ABCF3: variants seen among roughly 807,000 people sequenced by gnomAD.
ABCF3 encodes ATP-binding cassette sub-family F member 3.
Under a neutral mutation model 94.3 loss-of-function variants are expected in ABCF3, and 62 were observed. The observed-to-expected ratio is 0.66, with a 90% CI of 0.54 to 0.81. ABCF3 has a LOEUF of 0.81. ABCF3 is among the 40% of genes least tolerant of loss of function. ABCF3 has a pLI of 0.00. For missense variants in ABCF3, 843 were observed against 925.3 expected, an observed-to-expected ratio of 0.91 and a Z score of 1.15; for synonymous variants, 355 against 361.1, an observed-to-expected ratio of 0.98 and a Z score of 0.19.
chr3:184,186,569 G>A lies in ABCF3; in HGVS notation c.136G>A (p.Glu46Lys). The A allele has an allele frequency of 1.2e-6, 2 of 1,614,098 alleles. No individual in the cohort carries two copies. Among genetic ancestry groups the A allele is most frequent in the Non-Finnish European group, 1.7e-6 (2 of 1,179,978 alleles). ...SVDDLVEAVG[E>K]LLQEVSGDSK... ...GGATGACCTGGTGGAAGCTGTAGGG[G>A]AACTATTGCAAGAGGTGTCCGGGGA... is the stretch of plus-strand genomic sequence containing the variant. The change falls in exon 2 of 21, where the codon GAA (glutamate) becomes AAA (lysine). Residue 46 changes from glutamate (E) to lysine (K), a missense_variant. Physicochemically the swap from Glu to Lys is moderately conservative, Grantham distance 56. Transcript: ENST00000429586.
At position 184,188,917 on chromosome 3, in the gene ABCF3, C is replaced by T; in HGVS notation, c.918-12C>T. On this transcript the variant is annotated splice_polypyrimidine_tract_variant and intron_variant, in intron 8 of 20. Coordinates refer to ENST00000429586, the MANE Select transcript of ABCF3 (RefSeq NM_018358.3). The stretch of plus-strand genomic sequence containing the variant: ...CTGTTCCAACTGAGTTCTTCGATTT[C>T]TTCTCTACTAGGGCATCAGTCATTC... The T allele has an allele frequency of 6.2e-7, 1 of 1,614,214 alleles. No individual in the cohort carries two copies. Among genetic ancestry groups the T allele is most frequent in the Non-Finnish European group, 8.5e-7 (1 of 1,180,036 alleles).
Position 184,188,391 on chromosome 3 carries a change from C to G in ABCF3, c.820C>G (p.Gln274Glu), listed in dbSNP as rs146433540. ...ACGGAGGGAGCGGGAGCTCACTGCCCAGATTGCTGCTGGCAGGTGAGGACT... is the reference window on the plus strand; with the variant it reads ...ACGGAGGGAGCGGGAGCTCACTGCCGAGATTGCTGCTGGCAGGTGAGGACT... ...LLRRERELTA[Q>E]IAAGRAEGSE... The change falls in exon 7 of 21, where the codon CAG becomes GAG. Residue 274 changes from glutamine (Q) to glutamate (E), a missense_variant. Physicochemically the swap from Gln to Glu is conservative, Grantham distance 29. Coordinates refer to ENST00000429586, the MANE Select transcript of ABCF3 (RefSeq NM_018358.3). 2.0e-5 allele frequency: 32 copies of G among 1,607,454 alleles called. No individual in the cohort carries two copies. In the African/African-American group the frequency reaches 4.1e-4, roughly 21 times the overall value.
rs142912170 is a variant in ABCF3 at position 184,188,987 on chromosome 3, C to G, written c.976C>G (p.Arg326Gly). ...FTPKMQQQPT[R>G]EFSGGWRMRL... The stretch of plus-strand genomic sequence containing the variant: ...CCCTAAAATGCAGCAGCAGCCCACC[C>G]GGTGAGTGACCCTTGCCATTCTTGG... The change falls in exon 9 of 21, where the codon CGG (arginine) becomes GGG (glycine). Residue 326 changes from arginine (R) to glycine (G), a missense_variant and splice_region_variant. Physicochemically the swap from Arg to Gly is moderately radical, Grantham distance 125. Coordinates refer to ENST00000429586, the MANE Select transcript of ABCF3 (RefSeq NM_018358.3). 6.2e-7 allele frequency: 1 copy of G among 1,614,124 alleles called. No individual in the cohort carries two copies. Among genetic ancestry groups the G allele is most frequent in the African/African-American group, 1.3e-5 (1 of 74,930 alleles).
At chr3:184,190,208 GCCTGGTGTCTTTTA>G in intron 14 of ABCF3, 4 of 519,794 alleles carry the variant, frequency 7.7e-6, no homozygotes, top group South Asian at 6.8e-5. Flanking sequence ...TGACCTTTGT[GCCTGGTGTCTTTTA>G]CCTGGCGTCA....
At chr3:184,192,144 A>G (rs539007638) in intron 16 of ABCF3, among the ~76,000 whole-genome samples, 15 of 152,304 alleles carry the variant, frequency 9.8e-5, no homozygotes, top group African/African-American at 3.4e-4. Flanking sequence ...TGTTACACAC[A>G]GCGGTGCTCT....
chr3:184,189,674 A>T lies in ABCF3; in HGVS notation c.1231A>T (p.Thr411Ser). The T allele has an allele frequency of 1.9e-6, 3 of 1,614,146 alleles. No individual in the cohort carries two copies. The highest frequency in any genetic ancestry group is 2.5e-6 in the Non-Finnish European group (3 of 1,180,032). Residue 411 changes from threonine to serine, a missense_variant, in exon 13 of 21, where the codon ACC becomes TCC. Transcript: ENST00000429586. ...AGATGGTTACCGGGGAGACTTTGAG[A>T]CCTTCATCAAGAGTAAGCAGGAGCG... The part of the protein sequence containing the change: ...RLDGYRGDFE[T>S]FIKSKQERLL...
In ABCF3 at chr3:184,186,551, C is replaced by T; in HGVS notation, c.118C>T (p.Leu40=). The T allele has an allele frequency of 1.2e-6, 2 of 1,613,884 alleles. No individual in the cohort carries two copies. The highest frequency in any genetic ancestry group is 1.1e-5 in the South Asian group (1 of 91,052). Residue 40 remains leucine (L), a synonymous_variant, in exon 2 of 21, where the codon CTG becomes TTG. Coordinates refer to ENST00000429586, the MANE Select transcript of ABCF3 (RefSeq NM_018358.3). ...GSADFESVDD[L]VEAVGELLQE... ...CGCGGACTTCGAGTCTGTGGATGAC[C>T]TGGTGGAAGCTGTAGGGGAACTATT...
chr3:184,186,912 G>A (rs1338885921), intron 3 of ABCF3, 37 bp downstream of exon 3: 2 of 1,594,162 alleles, frequency 1.3e-6, no homozygotes, highest in Admixed American at 3.5e-5. Context: ...CTGCCCCCCT[G>A]TGCTTTTCTC....
intron 14 of ABCF3, 28 bp from the exon 15 acceptor site, chr3:184,190,971 A>G (rs777550838): frequency 1.2e-6 from 2 of 1,613,064 alleles, no homozygotes; most frequent in African/African-American, 1.3e-5. Context: ...TAAGTAATAA[A>G]TCTAGTCTAC....
rs761095198 is a variant in ABCF3, at chr3:184,188,120, C to G, written c.570-21C>G. 2.7e-5 allele frequency: 43 copies of G among 1,610,758 alleles called. No homozygotes were observed. The South Asian group carries it at 4.5e-4, about 17-fold the overall frequency. On this transcript the variant is annotated intron_variant, in intron 6 of 20. Coordinates refer to ENST00000429586, the MANE Select transcript of ABCF3 (RefSeq NM_018358.3). ...CACCTATTTCTAGAGCATCTTTGGT[C>G]TCCTTTCTCCACTCCTGCAGAGTAC... is the stretch of plus-strand genomic sequence containing the variant.
rs771623931 is a variant in ABCF3 at position 184,188,426 on chromosome 3, G to A, written c.836+19G>A. The A allele has an allele frequency of 6.3e-7, 1 of 1,594,584 alleles. No homozygotes were observed. The highest frequency in any genetic ancestry group is 8.6e-7 in the Non-Finnish European group (1 of 1,168,246). ...CTGGCAGGTGAGGACTCCCGGCTAG[G>A]GAGTAACTAGCAGCCGCTGTCGCTT... On this transcript the variant is annotated intron_variant, in intron 7 of 20. Transcript: ENST00000429586.
chr3:184,187,006 T>A (rs571471804), intron 3 of ABCF3, 131 bp downstream of exon 3: 1 of 967,138 alleles, frequency 1.0e-6, no homozygotes. Context: ...TTGATGTCTT[T>A]ACCGAGGGCA....
At chr3:184,187,182 C>T (rs1408464147) in intron 3 of ABCF3, 2 of 671,408 alleles carry the variant, frequency 3.0e-6, no homozygotes, top group African/African-American at 3.6e-5. Flanking sequence ...TTATCTGTCC[C>T]CAGCCTTGTC....
At position 184,189,564 on chromosome 3, in the gene ABCF3, C is replaced by T; in HGVS notation, c.1121C>T (p.Pro374Leu). ...LWLENYLQTW[P>L]STILVVSHDR... ...TGTCCTGTGACCCCTCAGACGTGGC[C>T]CTCCACCATCCTAGTCGTCTCCCAC... Residue 374 changes from proline to leucine, a missense_variant, in exon 13 of 21, where the codon CCC (proline) becomes CTC (leucine). Pro to Leu is a moderately conservative substitution (Grantham distance 98). Coordinates refer to ENST00000429586, the MANE Select transcript of ABCF3 (RefSeq NM_018358.3). 3.7e-6 allele frequency: 6 copies of T among 1,614,144 alleles called. No homozygotes were observed. Among genetic ancestry groups the T allele is most frequent in the Non-Finnish European group, 5.1e-6 (6 of 1,180,034 alleles).
intron 14 of ABCF3, chr3:184,190,368 GTTA>G (rs1260893724): frequency 5.1e-6 from 1 of 196,198 alleles, no homozygotes; most frequent in South Asian, 9.4e-5. Flanking sequence ...TTCCATTTTG[GTTA>G]TTATGAATAA....
intron 3 of ABCF3, 97 bp downstream of exon 3, chr3:184,186,972 A>G: frequency 7.8e-7 from 1 of 1,277,248 alleles, no homozygotes. Flanking sequence ...CGTCTTTTCC[A>G]CAGGACAAGG....
In ABCF3 at chr3:184,188,768, G is replaced by A; in HGVS notation, c.844G>A (p.Gly282Ser). 6.2e-7 allele frequency: 1 copy of A among 1,613,868 alleles called. No individual in the cohort carries two copies. Among genetic ancestry groups the A allele is most frequent in the South Asian group, 1.1e-5 (1 of 91,042 alleles). ...TGTTTCTCCTCCCTCCAGGGCGGAG[G>A]GCTCTGAAGCTGCAGAGCTGGCAGA... ...TAQIAAGRAE[G>S]SEAAELAEIY... Residue 282 changes from glycine (G) to serine (S), a missense_variant, in exon 8 of 21, where the codon GGC becomes AGC. Transcript: ENST00000429586.
At position 184,186,509 on chromosome 3, in the gene ABCF3, GT is replaced by G; in HGVS notation, c.77del (p.Val26AlafsTer19). 6.2e-7 allele frequency: 1 copy of G among 1,610,568 alleles called. No individual in the cohort carries two copies. Among genetic ancestry groups the G allele is most frequent in the Non-Finnish European group, 8.5e-7 (1 of 1,177,986 alleles). On this transcript the variant is annotated frameshift_variant, in exon 2 of 21. Coordinates refer to ENST00000429586, the MANE Select transcript of ABCF3 (RefSeq NM_018358.3). LOFTEE classifies it high-confidence loss of function. ...TCGTTCTACCACGCCCTGCCCAGGC[GT>G]CTTGCACAGCGGCAGCGCGGACTTC... is the stretch of plus-strand genomic sequence containing the variant. ...DGQVFDYVTG[V>X]LHSGSADFES...
chr3:184,186,276 G>A lies in ABCF3; in HGVS notation c.69G>A (p.Val23=). Residue 23 remains valine, a synonymous_variant, in exon 1 of 21, where the codon GTG becomes GTA. Transcript: ENST00000429586. ...PEIDGQVFDY[V]TGVLHSGSAD... is the part of the protein sequence containing the mutation. ...TTGACGGACAAGTCTTCGACTACGTGACCGGTAAGCAGAACTGAATCGGCC... is the reference window on the plus strand; with the variant it reads ...TTGACGGACAAGTCTTCGACTACGTAACCGGTAAGCAGAACTGAATCGGCC... The A allele has an allele frequency of 3.1e-6, 5 of 1,614,226 alleles. No individual in the cohort carries two copies. Among genetic ancestry groups the A allele is most frequent in the Non-Finnish European group, 4.2e-6 (5 of 1,180,034 alleles).
Sources: gnomAD v4.1 joint callset for allele counts (sites outside exome capture counted in the v4.1 genomes callset) on GRCh38, gnomAD v4.1.1 for gene constraint, MANE v1.5 for transcripts, NCBI Gene and HGNC (gene_info 2026-07-23, HGNC 2026-07-21) for gene names.